The following ABHD10 variants were observed in gnomAD, a reference collection of about 807,000 sequenced individuals.
ABHD10 encodes palmitoyl-protein thioesterase ABHD10, mitochondrial.
In ABHD10, 22 loss-of-function variants were observed where a neutral mutation model predicts 33.1. That is an observed-to-expected ratio of 0.66 (90% CI 0.47 to 0.95). The LOEUF is 0.95. Ranked by LOEUF, ABHD10 falls within the 40% of genes least tolerant of loss-of-function variation. ABHD10 has a pLI of 0.00. For synonymous variants in ABHD10, 146 were observed against 133.9 expected, an observed-to-expected ratio of 1.09 and a Z score of -0.62; for missense variants, 352 against 379.9, an observed-to-expected ratio of 0.93 and a Z score of 0.61.
chr3:111,982,345 C>T (rs1332566246), intron 2 of ABHD10: 2 of 157,438 alleles, frequency 1.3e-5, no homozygotes, highest in Non-Finnish European at 2.8e-5. Flanking sequence ...AAAAGTAATA[C>T]ATGTATTTAA....
At chr3:111,986,428 G>GTTGGT in intron 3 of ABHD10, 53 bp downstream of exon 3, 1 of 1,018,750 alleles carries the variant, frequency 9.8e-7, no homozygotes. Context: ...TATTTAAGCT[G>GTTGGT]TTTGTTTTGT....
chr3:111,991,350 TTTTA>T lies in ABHD10; in HGVS notation c.577-23_577-20del, dbSNP rs1288841843. 4.5e-6 allele frequency: 7 copies of T among 1,552,020 alleles called. No homozygotes were observed. In the African/African-American group the frequency reaches 9.6e-5, roughly 21 times the overall value. On this transcript the variant is annotated intron_variant, in intron 4 of 4. Transcript: ENST00000273359. ...TAATGTTGCCTAAAGTCACAAATAC[TTTTA>T]TTTTTCTTTCTTTTTCCAATAGCTA...
Position 111,982,353 on chromosome 3 carries a change from TA to T in ABHD10, c.326+390del, listed in dbSNP as rs1373974178. 2 of 155,784 alleles carry T rather than the reference TA, an allele frequency of 1.3e-5. 1 individual carries two copies. The highest frequency in any genetic ancestry group is 1.3e-4 in the Admixed American group (2 of 15,378). The allele number at this position is 155,784 out of a possible 1,614,324, so 9.7% of individuals were successfully genotyped here. A position where few individuals can be genotyped will look rare whatever the true frequency, so the allele number is the denominator to read the frequency against. On this transcript the variant is annotated intron_variant, in intron 2 of 4. Transcript: ENST00000273359. ...TTTATCTAAAAGTAATACATGTATT[TA>T]AAAGTATCATAATGCAAATTTCTGC...
chr3:111,979,682 C>G (rs1435678934), intron 1 of ABHD10, among the ~76,000 whole-genome samples: 1 of 152,142 alleles, frequency 6.6e-6, no homozygotes. Context: ...CTTGCTGCAC[C>G]CACTCAGTGA....
chr3:111,986,334 G>T lies in ABHD10; in HGVS notation c.397G>T (p.Asp133Tyr). ...EESTLGKWRK[D>Y]VLSIIDDLAD... ...AAGCACACTGGGGAAATGGAGAAAA[G>T]ATGTTCTTTCTATAATTGATGACTT... is the stretch of plus-strand genomic sequence containing the variant. Residue 133 changes from aspartate to tyrosine, a missense_variant, in exon 3 of 5, where the codon GAT (aspartate) becomes TAT (tyrosine). Coordinates refer to ENST00000273359, the MANE Select transcript of ABHD10 (RefSeq NM_018394.4). 1.2e-6 allele frequency: 2 copies of T among 1,613,898 alleles called. No individual in the cohort carries two copies. Among genetic ancestry groups the T allele is most frequent in the East Asian group, 4.5e-5 (2 of 44,892 alleles).
Position 111,991,806 on chromosome 3 carries a change from T to C in ABHD10, c.*85T>C, listed in dbSNP as rs1039354156. The C allele has an allele frequency of 9.3e-6, 10 of 1,079,030 alleles. No homozygotes were observed. Among genetic ancestry groups the C allele is most frequent in the East Asian group, 5.4e-5 (2 of 36,830 alleles). The allele number at this position is 1,079,030 out of a possible 1,614,324, so 66.8% of individuals were successfully genotyped here. On this transcript the variant is annotated 3_prime_UTR_variant, in exon 5 of 5. Coordinates refer to ENST00000273359, the MANE Select transcript of ABHD10 (RefSeq NM_018394.4). Reference sequence around the variant, plus strand: ...AAATGAAAGATCCTGATACTTTAGGTTTTTCCCTTTCCTCTATTTTGTAAA... The same window carrying C: ...AAATGAAAGATCCTGATACTTTAGGCTTTTCCCTTTCCTCTATTTTGTAAA...
At chr3:111,987,942 A>C (rs549897559) in intron 4 of ABHD10, among the ~76,000 whole-genome samples, 1 of 152,340 alleles carries the variant, frequency 6.6e-6, no homozygotes, top group Admixed American at 6.5e-5. Context: ...TAGCAGCAGC[A>C]GCAGCACCTG....
Position 111,986,955 on chromosome 3 carries a change from T to C in ABHD10, c.480T>C (p.His160=), listed in dbSNP as rs779958637. 1 of 1,612,766 alleles carries C rather than the reference T, an allele frequency of 6.2e-7. No homozygotes were observed. Among genetic ancestry groups the C allele is most frequent in the Non-Finnish European group, 8.5e-7 (1 of 1,179,740 alleles). Reference sequence around the variant, plus strand: ...GCCTTGGAGGGTGGCTTATGCTTCATGCTGCAATTGCACGACCAGAGAAGG... The same window carrying C: ...GCCTTGGAGGGTGGCTTATGCTTCACGCTGCAATTGCACGACCAGAGAAGG... The part of the protein sequence containing the change: ...GSSLGGWLML[H]AAIARPEKVV... Residue 160 remains histidine, a synonymous_variant, in exon 4 of 5, where the codon CAT becomes CAC. Coordinates refer to ENST00000273359, the MANE Select transcript of ABHD10 (RefSeq NM_018394.4).
At chr3:111,990,587 T>C (rs2072727379) in intron 4 of ABHD10, 3 of 378,974 alleles carry the variant, frequency 7.9e-6, no homozygotes, top group Non-Finnish European at 1.4e-5. Context: ...AAAGGACATG[T>C]ATATTTCATT....
intron 4 of ABHD10, among the ~76,000 whole-genome samples, chr3:111,987,411 C>T (rs1250054372): frequency 1.3e-5 from 2 of 151,996 alleles, no homozygotes; most frequent in Admixed American, 6.6e-5. Context: ...TACTTTGTGG[C>T]ATATGGGGAG....
Position 111,991,498 on chromosome 3 carries a change from G to A in ABHD10, c.698G>A (p.Ser233Asn). Residue 233 changes from serine to asparagine, a missense_variant, in exon 5 of 5, where the codon AGC (serine) becomes AAC (asparagine). Transcript: ENST00000273359. ...GCTGAACATCACTGCTTGTTACATA[G>A]CCCAATTCCTGTGAACTGCCCCATA... ...KEAEHHCLLHSPIPVNCPIRL... is the reference protein window; with the variant it reads ...KEAEHHCLLHNPIPVNCPIRL... The A allele has an allele frequency of 6.2e-7, 1 of 1,614,080 alleles. No homozygotes were observed. Among genetic ancestry groups the A allele is most frequent in the Non-Finnish European group, 8.5e-7 (1 of 1,179,988 alleles).
chr3:111,986,608 C>T (rs1337342532), intron 3 of ABHD10, among the ~76,000 whole-genome samples: 2 of 151,754 alleles, frequency 1.3e-5, no homozygotes, highest in African/African-American at 2.4e-5. Flanking sequence ...GCTAATTGTT[C>T]GTATTTTTAG....
At chr3:111,984,831 CACCAAGATACTGGACTTACCAAAGT>C (rs2072633566) in intron 2 of ABHD10, among the ~76,000 whole-genome samples, 3 of 152,080 alleles carry the variant, frequency 2.0e-5, no homozygotes, top group Admixed American at 2.0e-4. Context: ...TAAACACCTA[CACCAAGATACTGGACTTACCAAAGT>C]ACCAAGAAAG....
intron 2 of ABHD10, among the ~76,000 whole-genome samples, chr3:111,984,504 A>G (rs2072628072): frequency 6.6e-6 from 1 of 152,204 alleles, no homozygotes; most frequent in South Asian, 2.1e-4. Context: ...GACCTATTTT[A>G]GGAACAGTAA....
chr3:111,980,062 A>G lies in ABHD10; in HGVS notation c.142+859A>G, dbSNP rs12495071. ...TCATCTAGTTAGCACTTATTCATTGAGCACTTATGCACCAGGCTTTGAATT... is the reference window on the plus strand; with the variant it reads ...TCATCTAGTTAGCACTTATTCATTGGGCACTTATGCACCAGGCTTTGAATT... On this transcript the variant is annotated intron_variant, in intron 1 of 4. Coordinates refer to ENST00000273359, the MANE Select transcript of ABHD10 (RefSeq NM_018394.4). Among the ~76,000 whole-genome samples the G allele has an allele frequency of 7.0e-3, 1,066 of 152,356 alleles. 30 individuals carry two copies. Among genetic ancestry groups the G allele is most frequent in the Admixed American group, 0.046 (711 of 15,302 alleles).
At position 111,991,757 on chromosome 3, in the gene ABHD10, C is replaced by T. The variant is rs757830447; in HGVS notation, c.*36C>T. ...TTAGTTGGTATGTAAACTAATGTAT[C>T]CAGAAGATTGGAAGAGGGATAAGAA... On this transcript the variant is annotated 3_prime_UTR_variant, in exon 5 of 5. Coordinates refer to ENST00000273359, the MANE Select transcript of ABHD10 (RefSeq NM_018394.4). 6.7e-7 allele frequency: 1 copy of T among 1,489,096 alleles called. No individual in the cohort carries two copies. Among genetic ancestry groups the T allele is most frequent in the African/African-American group, 1.4e-5 (1 of 70,810 alleles). 92.2% of individuals were successfully genotyped at this position (1,489,096 alleles called of 1,614,324 possible). A position where few individuals can be genotyped will look rare whatever the true frequency, so the allele number is the denominator to read the frequency against.
intron 4 of ABHD10, among the ~76,000 whole-genome samples, chr3:111,989,904 C>G (rs2072720574): frequency 6.6e-6 from 1 of 151,576 alleles, no homozygotes; most frequent in African/African-American, 2.4e-5. Context: ...TTTTTAAGTT[C>G]TTGTTTTCCT....
chr3:111,991,537 G>C lies in ABHD10; in HGVS notation c.737G>C (p.Gly246Ala), dbSNP rs764283828. The C allele has an allele frequency of 8.1e-6, 13 of 1,614,088 alleles. 1 individual carries two copies. The South Asian group carries it at 9.9e-5, about 12-fold the overall frequency. Reference sequence around the variant, plus strand: ...AACTGCCCCATAAGATTGCTCCATGGCATGAAGGATGACATTGTACCTTGG... The same window carrying C: ...AACTGCCCCATAAGATTGCTCCATGCCATGAAGGATGACATTGTACCTTGG... ...PVNCPIRLLH[G>A]MKDDIVPWHT... is the part of the protein sequence containing the mutation. Residue 246 changes from glycine (G) to alanine (A), a missense_variant, in exon 5 of 5, where the codon GGC (glycine) becomes GCC (alanine). Gly to Ala is a moderately conservative substitution (Grantham distance 60, BLOSUM62 0). Coordinates refer to ENST00000273359, the MANE Select transcript of ABHD10 (RefSeq NM_018394.4).
chr3:111,979,074 C>G lies in ABHD10; in HGVS notation c.13C>G (p.Arg5Gly), dbSNP rs376740866. 1.9e-6 allele frequency: 3 copies of G among 1,613,076 alleles called. No homozygotes were observed. Among genetic ancestry groups the G allele is most frequent in the Non-Finnish European group, 2.5e-6 (3 of 1,179,548 alleles). The change falls in exon 1 of 5, where the codon CGC (arginine) becomes GGC (glycine). Residue 5 changes from arginine (R) to glycine (G), a missense_variant. Transcript: ENST00000273359. The part of the protein sequence containing the change: MAVA[R>G]LAAVAAWVPC... The stretch of plus-strand genomic sequence containing the variant: ...GACAACTACGAAGATGGCGGTTGCG[C>G]GCTTGGCAGCTGTGGCGGCCTGGGT...
Sources: gnomAD v4.1 joint callset for allele counts (sites outside exome capture counted in the v4.1 genomes callset) on GRCh38, gnomAD v4.1.1 for gene constraint, MANE v1.5 for transcripts, NCBI Gene and HGNC (gene_info 2026-07-23, HGNC 2026-07-21) for gene names.